The following ANKRD12 variants were observed in gnomAD, a reference collection of about 807,000 sequenced individuals.
ANKRD12 encodes the protein ankyrin repeat domain 12.
In ANKRD12, 85 loss-of-function variants were observed where a neutral mutation model predicts 183.4. The ratio of observed to expected loss-of-function variants is 0.46; its 90% CI spans 0.39 to 0.56. ANKRD12 has a LOEUF of 0.56. ANKRD12 is among the 20% of genes least tolerant of loss of function. The pLI, the probability that ANKRD12 is intolerant of heterozygous loss-of-function variation, is 0.00. For synonymous variants in ANKRD12, 914 were observed against 800.2 expected, an observed-to-expected ratio of 1.14 and a Z score of -2.40; for missense variants, 2,405 against 2,357.1, an observed-to-expected ratio of 1.02 and a Z score of -0.42.
At chr18:9,230,548 A>G (rs181177442) in intron 8 of ANKRD12, among the ~76,000 whole-genome samples, 14 of 151,876 alleles carry the variant, frequency 9.2e-5, no homozygotes, top group Admixed American at 7.2e-4. Context: ...GTGTATCACT[A>G]TAGTGTTTAT....
At position 9,255,383 on chromosome 18, in the gene ANKRD12, A is replaced by G. The variant is rs2038542890; in HGVS notation, c.2116A>G (p.Thr706Ala). 1.9e-6 allele frequency: 3 copies of G among 1,602,836 alleles called. No homozygotes were observed. The East Asian group carries it at 6.7e-5, about 36-fold the overall frequency. ...WKENFFKSDE[T>A]EDLFLNMEHE... ...AGAGAATTTTTTTAAAAGTGATGAA[A>G]CTGAAGATCTCTTTTTAAATATGGA... The change falls in exon 9 of 13, where the codon ACT becomes GCT. Residue 706 changes from threonine (T) to alanine (A), a missense_variant. By Grantham distance (58) the Thr-to-Ala change is moderately conservative (BLOSUM62 0). Transcript: ENST00000262126.
chr18:9,261,001 C>T (rs2038932784), intron 9 of ANKRD12, among the ~76,000 whole-genome samples: 1 of 152,184 alleles, frequency 6.6e-6, no homozygotes, highest in Non-Finnish European at 1.5e-5. Flanking sequence ...CTCCCGTTCT[C>T]ACACTAAGCC....
chr18:9,147,551 ATTCATTG>A (rs1205373690), intron 1 of ANKRD12, among the ~76,000 whole-genome samples: 1 of 152,196 alleles, frequency 6.6e-6, no homozygotes, highest in African/African-American at 2.4e-5. Flanking sequence ...CCTTTTATTT[ATTCATTG>A]TTCATCTCAA....
chr18:9,238,772 A>G (rs1006842735), intron 8 of ANKRD12, among the ~76,000 whole-genome samples: 2 of 152,220 alleles, frequency 1.3e-5, no homozygotes, highest in African/African-American at 2.4e-5. Flanking sequence ...TGTCCAGTCT[A>G]AACTGGAATA....
At chr18:9,204,051 C>G (rs2035338421) in intron 3 of ANKRD12, among the ~76,000 whole-genome samples, 1 of 152,214 alleles carries the variant, frequency 6.6e-6, no homozygotes. Flanking sequence ...GATGATGTTG[C>G]AGTCCAAAGT....
At chr18:9,208,168 AGTT>A (rs2035590630) in intron 4 of ANKRD12, among the ~76,000 whole-genome samples, 1 of 152,146 alleles carries the variant, frequency 6.6e-6, no homozygotes, top group Non-Finnish European at 1.5e-5. Context: ...TTTTTTCGAT[AGTT>A]GTTCTGTGTG....
At chr18:9,203,000 A>G (rs1189739774) in intron 3 of ANKRD12, among the ~76,000 whole-genome samples, 1 of 152,250 alleles carries the variant, frequency 6.6e-6, no homozygotes, top group African/African-American at 2.4e-5. Flanking sequence ...TTAAAATAAT[A>G]TCTGCTTTCA....
At chr18:9,147,710 G>A (rs540344309) in intron 1 of ANKRD12, among the ~76,000 whole-genome samples, 2 of 152,248 alleles carry the variant, frequency 1.3e-5, no homozygotes, top group African/African-American at 4.8e-5. Flanking sequence ...TCTAGTGAAA[G>A]CTAAACTTCA....
intron 1 of ANKRD12, among the ~76,000 whole-genome samples, chr18:9,176,509 T>G (rs1431388584): frequency 1.3e-5 from 2 of 152,078 alleles, no homozygotes; most frequent in African/African-American, 4.8e-5. Flanking sequence ...CAGACTGCTC[T>G]TAAACTCCTG....
chr18:9,259,023 A>G, intron 9 of ANKRD12, 92 bp downstream of exon 9: 3 of 1,395,664 alleles, frequency 2.1e-6, no homozygotes, highest in Admixed American at 5.2e-5. Context: ...TTTCTAGTAG[A>G]TAGATAATTT....
At position 9,221,962 on chromosome 18, in the gene ANKRD12, A is replaced by T; in HGVS notation, c.906A>T (p.Arg302Ser). The T allele has an allele frequency of 1.2e-6, 2 of 1,614,046 alleles. No homozygotes were observed. The highest frequency in any genetic ancestry group is 1.7e-6 in the Non-Finnish European group (2 of 1,179,906). ...ETEELELLLK[R>S]EVPLSDDDES... ...AGGAGTTGGAGTTGCTACTAAAAAG[A>T]GAGGTGCCTTTATCTGATGATGATG... The change falls in exon 8 of 13, where the codon AGA becomes AGT. Residue 302 changes from arginine (R) to serine (S), a missense_variant. Transcript: ENST00000262126.
At chr18:9,166,731 A>C (rs1427939719) in intron 1 of ANKRD12, among the ~76,000 whole-genome samples, 1 of 151,874 alleles carries the variant, frequency 6.6e-6, no homozygotes, top group Non-Finnish European at 1.5e-5. Flanking sequence ...ATTAGATCCC[A>C]TTTGTCAATT....
intron 7 of ANKRD12, among the ~76,000 whole-genome samples, chr18:9,220,732 G>A (rs138250342): frequency 2.0e-5 from 3 of 152,332 alleles, no homozygotes; most frequent in African/African-American, 2.4e-5. Context: ...GGCTGAGAGA[G>A]AAAGCAGACA....
intron 1 of ANKRD12, among the ~76,000 whole-genome samples, chr18:9,171,092 G>A (rs76925937): frequency 3.9e-5 from 6 of 152,292 alleles, no homozygotes; most frequent in South Asian, 2.1e-4. Context: ...GTACCCGGCC[G>A]TGTGAGGTGT....
In ANKRD12 at chr18:9,244,036, A is replaced by C. The variant is rs577816327; in HGVS notation, c.944-10175A>C. On this transcript the variant is annotated intron_variant, in intron 8 of 12. Coordinates refer to ENST00000262126, the MANE Select transcript of ANKRD12 (RefSeq NM_015208.5). ...ATAATCTCAGCTACTTGGGAGGCTG[A>C]GGCAGGAGAATCACTGGAACCTGGG... Among the ~76,000 whole-genome samples, 6 of 152,294 alleles carry C rather than the reference A, an allele frequency of 3.9e-5. No individual in the cohort carries two copies. In the East Asian group the frequency reaches 1.2e-3, roughly 29 times the overall value.
intron 2 of ANKRD12, among the ~76,000 whole-genome samples, chr18:9,186,900 C>T (rs574878153): frequency 2.9e-4 from 44 of 151,788 alleles, no homozygotes; most frequent in South Asian, 2.1e-4. Context: ...TACAGGTGCC[C>T]GCCACCGCAC....
chr18:9,257,939 G>A lies in ANKRD12; in HGVS notation c.4672G>A (p.Asp1558Asn). 4 of 1,613,974 alleles carry A rather than the reference G, an allele frequency of 2.5e-6. No individual in the cohort carries two copies. The highest frequency in any genetic ancestry group is 3.4e-6 in the Non-Finnish European group (4 of 1,179,986). ...TFVLGDVQKT[D>N]AFVPVYSDST... ...TGTCCTAGGAGATGTTCAAAAAACA[G>A]ATGCCTTTGTCCCAGTGTACTCTGA... Residue 1558 changes from aspartate to asparagine, a missense_variant, in exon 9 of 13, where the codon GAT (aspartate) becomes AAT (asparagine). This residue lies in a region of ANKRD12 where 1,983 missense variants were observed against 1,725.9 expected (regional missense o/e 1.15). Transcript: ENST00000262126.
chr18:9,142,832 C>T (rs989875009), intron 1 of ANKRD12, among the ~76,000 whole-genome samples: 4 of 151,620 alleles, frequency 2.6e-5, no homozygotes, highest in Non-Finnish European at 4.4e-5. Flanking sequence ...TGCAGTGAGC[C>T]AAAATTGAGC....
intron 3 of ANKRD12, among the ~76,000 whole-genome samples, chr18:9,200,895 C>A (rs1163970128): frequency 6.6e-6 from 1 of 152,198 alleles, no homozygotes; most frequent in East Asian, 1.9e-4. Context: ...CATCTTAATG[C>A]TCTGCCACTC....
Sources: gnomAD v4.1 joint callset for allele counts (sites outside exome capture counted in the v4.1 genomes callset) on GRCh38, gnomAD v4.1.1 for gene constraint, gnomAD v4.1.1 regional missense constraint, MANE v1.5 for transcripts, NCBI Gene and HGNC (gene_info 2026-07-23, HGNC 2026-07-21) for gene names.